Variants in MAP3K2 observed in about 807,000 individuals in gnomAD.
MAP3K2 encodes the protein mitogen-activated protein kinase kinase kinase 2.
In MAP3K2, 24 loss-of-function variants were observed where a neutral mutation model predicts 80.3. The ratio of observed to expected loss-of-function variants is 0.30; its 90% CI spans 0.22 to 0.42. The LOEUF (loss-of-function observed/expected upper bound fraction) is 0.42. MAP3K2 is among the 10% of genes least tolerant of loss of function. The pLI, the probability that MAP3K2 is intolerant of heterozygous loss-of-function variation, is 1.00. For missense variants in MAP3K2, 608 were observed against 750.1 expected (o/e 0.81, Z 2.21); for synonymous variants, 244 against 253.7 (o/e 0.96, Z 0.36).
In MAP3K2 at chr2:127,300,704, AAAG is replaced by A. The variant is rs1685575599; in HGVS notation, c.*6872_*6874del. ...TGCATTAAAACAATTGTTGGTCTTT[AAAG>A]AAGTATTCTTATCCTTAGACACTGT... On this transcript the variant is annotated 3_prime_UTR_variant, in exon 17 of 17. Coordinates refer to ENST00000682094, the MANE Select transcript of MAP3K2 (RefSeq NM_001371910.2). 1 of 152,216 alleles carries A rather than the reference AAAG, an allele frequency of 6.6e-6. No individual in the cohort carries two copies. The highest frequency in any genetic ancestry group is 1.5e-5 in the Non-Finnish European group (1 of 68,012). 9.4% of individuals were successfully genotyped at this position (152,216 alleles called of 1,614,324 possible).
At chr2:127,319,650 CAAAAAAAA>C (rs57472022) in intron 12 of MAP3K2, among the ~76,000 whole-genome samples, 14 of 71,836 alleles carry the variant, frequency 1.9e-4, no homozygotes, top group South Asian at 1.9e-3. Context: ...ACTAAAAATA[CAAAAAAAA>C]AAAAAAAAAA....
intron 7 of MAP3K2, among the ~76,000 whole-genome samples, chr2:127,327,053 G>GT (rs1686155923): frequency 6.6e-6 from 1 of 152,024 alleles, no homozygotes; most frequent in Non-Finnish European, 1.5e-5. Context: ...TACTCACTAG[G>GT]TAGGATGGTA....
At chr2:127,362,994 T>C (rs528320704) in intron 1 of MAP3K2, among the ~76,000 whole-genome samples, 3 of 151,968 alleles carry the variant, frequency 2.0e-5, no homozygotes, top group South Asian at 4.2e-4. Flanking sequence ...AATGCAACAA[T>C]AAAAAAACAC....
At chr2:127,324,566 A>G (rs1217830316) in intron 9 of MAP3K2, among the ~76,000 whole-genome samples, 2 of 152,190 alleles carry the variant, frequency 1.3e-5, no homozygotes, top group Non-Finnish European at 2.9e-5. Flanking sequence ...TGCATCAACA[A>G]AAAAGATAAT....
At chr2:127,311,781 G>T (rs577270988) in intron 15 of MAP3K2, among the ~76,000 whole-genome samples, 2 of 152,102 alleles carry the variant, frequency 1.3e-5, no homozygotes, top group South Asian at 4.2e-4. Context: ...TATATAGTCG[G>T]TGTTCAATTT....
At chr2:127,335,012 C>T (rs1255982351) in intron 5 of MAP3K2, among the ~76,000 whole-genome samples, 1 of 152,090 alleles carries the variant, frequency 6.6e-6, no homozygotes, top group East Asian at 1.9e-4. Flanking sequence ...TTGTGATCTG[C>T]CCACCTCTGC....
At position 127,314,796 on chromosome 2, in the gene MAP3K2, G is replaced by A; in HGVS notation, c.1414C>T (p.His472Tyr). 1 of 1,609,478 alleles carries A rather than the reference G, an allele frequency of 6.2e-7. No homozygotes were observed. Among genetic ancestry groups the A allele is most frequent in the Non-Finnish European group, 8.5e-7 (1 of 1,176,014 alleles). ...ACAATCATATTACTGTGCAAATAAT[G>A]GACACCCTCCAGAATCTGACGGGTG... ...KYTRQILEGV[H>Y]YLHSNMIVHR... The change falls in exon 15 of 17, where the codon CAT becomes TAT. Residue 472 changes from histidine to tyrosine, a missense_variant. Transcript: ENST00000682094.
chr2:127,307,864 G>A lies in MAP3K2; in HGVS notation c.1635-60C>T. The A allele has an allele frequency of 8.6e-7, 1 of 1,161,956 alleles. No individual in the cohort carries two copies. Among genetic ancestry groups the A allele is most frequent in the African/African-American group, 1.5e-5 (1 of 64,802 alleles). 72.0% of individuals were successfully genotyped at this position (1,161,956 alleles called of 1,614,324 possible). A position where few individuals can be genotyped will look rare whatever the true frequency, so the allele number is the denominator to read the frequency against. ...CAACAACATGAAAGAAAGCTAGTTA[G>A]CTAGAAAATGAGAAACAGGCATTAA... On this transcript the variant is annotated intron_variant, in intron 16 of 16. Coordinates refer to ENST00000682094, the MANE Select transcript of MAP3K2 (RefSeq NM_001371910.2). The surrounding 1 kb of genome is among the most constrained non-coding windows in gnomAD (Gnocchi z 5.4).
intron 1 of MAP3K2, among the ~76,000 whole-genome samples, chr2:127,387,029 AC>A (rs1381905820): frequency 1.3e-5 from 2 of 152,096 alleles, no homozygotes; most frequent in Non-Finnish European, 2.9e-5. Context: ...GACTAAGAGC[AC>A]CCTAAGTGCT....
intron 2 of MAP3K2, among the ~76,000 whole-genome samples, chr2:127,341,329 A>C (rs571605874): frequency 1.3e-5 from 2 of 152,060 alleles, no homozygotes; most frequent in Admixed American, 1.3e-4. Flanking sequence ...AAAAAAAATA[A>C]GTACCGTTTT....
Position 127,317,427 on chromosome 2 carries a change from G to A in MAP3K2, c.1326+202C>T, listed in dbSNP as rs150659029. ...CTGCTAAGATGTCTGTAACCTACTT[G>A]AGAATACTTTTATCATTAATGAGTT... On this transcript the variant is annotated intron_variant, in intron 14 of 16. Coordinates refer to ENST00000682094, the MANE Select transcript of MAP3K2 (RefSeq NM_001371910.2). 7.9e-5 allele frequency among the ~76,000 whole-genome samples: 12 copies of A among 152,266 alleles called. No homozygotes were observed. The East Asian group carries it at 1.7e-3, about 22-fold the overall frequency.
chr2:127,371,051 C>T (rs1251801149), intron 1 of MAP3K2, among the ~76,000 whole-genome samples: 1 of 152,178 alleles, frequency 6.6e-6, no homozygotes, highest in African/African-American at 2.4e-5. Flanking sequence ...GTACATGAAC[C>T]CATTTCTTTT....
rs576079604 is a variant in MAP3K2 at position 127,387,956 on chromosome 2, A to G, written c.-570T>C. 24 of 984,418 alleles carry G rather than the reference A, an allele frequency of 2.4e-5. No homozygotes were observed. The African/African-American group carries it at 3.0e-4, about 12-fold the overall frequency. 61.0% of individuals were successfully genotyped at this position (984,418 alleles called of 1,614,324 possible). On this transcript the variant is annotated 5_prime_UTR_variant, in exon 1 of 17. Coordinates refer to ENST00000682094, the MANE Select transcript of MAP3K2 (RefSeq NM_001371910.2). ...GCTGAGGGCAGGCAGCCCGGCAGCCACTACACACGGACCCGTGACGTCGGG... is the reference window on the plus strand; with the variant it reads ...GCTGAGGGCAGGCAGCCCGGCAGCCGCTACACACGGACCCGTGACGTCGGG...
At position 127,299,014 on chromosome 2, in the gene MAP3K2, T is replaced by C. The variant is rs1308069299; in HGVS notation, c.*8565A>G. 4 of 152,030 alleles carry C rather than the reference T, an allele frequency of 2.6e-5. No homozygotes were observed. The highest frequency in any genetic ancestry group is 2.0e-4 in the Admixed American group (3 of 15,258). The allele number at this position is 152,030 out of a possible 1,614,324, so 9.4% of individuals were successfully genotyped here. On this transcript the variant is annotated 3_prime_UTR_variant, in exon 17 of 17. Coordinates refer to ENST00000682094, the MANE Select transcript of MAP3K2 (RefSeq NM_001371910.2). ...ACCTAGAAATTATAAAACTCAGAAA[T>C]TGTATACATTTTTACAAGCACAATT...
At chr2:127,314,116 G>A (rs1365304770) in intron 15 of MAP3K2, among the ~76,000 whole-genome samples, 1 of 152,132 alleles carries the variant, frequency 6.6e-6, no homozygotes, top group Non-Finnish European at 1.5e-5. Flanking sequence ...TTGCTTTTGT[G>A]TGACTTTATG....
At position 127,368,370 on chromosome 2, in the gene MAP3K2, C is replaced by A. The variant is rs370491779; in HGVS notation, c.-66+19082G>T. Among the ~76,000 whole-genome samples the A allele has an allele frequency of 1.1e-3, 169 of 151,866 alleles. 2 individuals are homozygous for A. The highest frequency in any genetic ancestry group is 4.0e-3 in the African/African-American group (166 of 41,426). ...GGGCATGGTGGCTCACACCTGTAAT[C>A]CCAGCACTTTGGGAGGCTGAGGCGG... On this transcript the variant is annotated intron_variant, in intron 1 of 16. Coordinates refer to ENST00000682094, the MANE Select transcript of MAP3K2 (RefSeq NM_001371910.2).
intron 1 of MAP3K2, among the ~76,000 whole-genome samples, chr2:127,353,956 C>G (rs1362534706): frequency 6.6e-6 from 1 of 151,682 alleles, no homozygotes; most frequent in Non-Finnish European, 1.5e-5. Flanking sequence ...CAACCCTGTG[C>G]TCTCTGAAAC....
In MAP3K2 at chr2:127,364,511, G is replaced by GAC. The variant is rs1208048871; in HGVS notation, c.-65-21319_-65-21318dup. 6.6e-6 allele frequency among the ~76,000 whole-genome samples: 1 copy of GAC among 152,052 alleles called. No homozygotes were observed. The highest frequency in any genetic ancestry group is 1.5e-5 in the Non-Finnish European group (1 of 68,004). ...TAATGGAAAAGAATTATCGTCTGTG[G>GAC]ACTGTCAGACGATGTGCTAGACATT... On this transcript the variant is annotated intron_variant, in intron 1 of 16. Transcript: ENST00000682094. This position sits in a 1 kb window ranked among gnomAD's most constrained non-coding sequence, Gnocchi z 4.1.
intron 5 of MAP3K2, among the ~76,000 whole-genome samples, chr2:127,334,815 G>A (rs182046996): frequency 2.9e-4 from 42 of 147,218 alleles, no homozygotes; most frequent in African/African-American, 1.0e-3. Flanking sequence ...TCTGTCACCA[G>A]GCTGGAGTGT....
Sources: allele counts gnomAD v4.1 joint callset (sites outside exome capture counted in the v4.1 genomes callset), GRCh38; gene constraint gnomAD v4.1.1; non-coding constraint Gnocchi (gnomAD v3.1); transcripts MANE v1.5; gene names NCBI Gene and HGNC (gene_info 2026-07-23, HGNC 2026-07-21).